The following SMARCB1 variants were observed in gnomAD, a reference collection of about 807,000 sequenced individuals.
SMARCB1 encodes SWI/SNF-related matrix-associated actin-dependent regulator of chromatin subfamily B member 1.
In SMARCB1, 5 loss-of-function variants were observed where a neutral mutation model predicts 49.0. The observed-to-expected ratio is 0.10, with a 90% CI of 0.05 to 0.21. The LOEUF (loss-of-function observed/expected upper bound fraction) is 0.21. SMARCB1 is among the 10% of genes least tolerant of loss of function. The pLI is 1.00. For synonymous variants in SMARCB1, 201 were observed against 200.1 expected (o/e 1.00, Z -0.04); for missense variants, 226 against 509.2 (o/e 0.44, Z 5.35).
Position 23,837,734 on chromosome 22 carries a change from G to T in SMARCB1, c.*3554G>T. 6.2e-7 allele frequency: 1 copy of T among 1,614,064 alleles called. No homozygotes were observed. The highest frequency in any genetic ancestry group is 1.1e-5 in the South Asian group (1 of 91,084). The stretch of plus-strand genomic sequence containing the variant: ...AGCGCCCAAGGCAGGAACGGTGCCT[G>T]GAAAGTGAGCAGGCCGAAGAAGTTG... On this transcript the variant is annotated 3_prime_UTR_variant, in exon 9 of 9. Transcript: ENST00000644036.
chr22:23,787,381 G>GCT (rs1491051741), intron 1 of SMARCB1, 119 bp downstream of exon 1: 7 of 464,536 alleles, frequency 1.5e-5, no homozygotes, highest in East Asian at 1.2e-4. Context: ...GCGCGCGCGC[G>GCT]CTCGGGGCTG....
intron 5 of SMARCB1, 64 bp downstream of exon 5, chr22:23,803,486 C>G: frequency 6.3e-7 from 1 of 1,590,396 alleles, no homozygotes; most frequent in Admixed American, 1.7e-5. Context: ...GGGAACAGTC[C>G]CGTTTCCTGC....
At chr22:23,792,850 C>T (rs1031239268) in intron 2 of SMARCB1, 2 of 158,208 alleles carry the variant, frequency 1.3e-5, no homozygotes, top group Non-Finnish European at 1.4e-5. Flanking sequence ...GCTTTGCTTC[C>T]CCCTCCGCAA....
chr22:23,813,285 C>T (rs540171079), intron 5 of SMARCB1, among the ~76,000 whole-genome samples: 2 of 152,312 alleles, frequency 1.3e-5, no homozygotes, highest in Admixed American at 6.5e-5. Flanking sequence ...CTAGCTAATC[C>T]AGTAAGCTGA....
chr22:23,829,669 GC>G (rs2030558255), intron 7 of SMARCB1, among the ~76,000 whole-genome samples: 1 of 152,244 alleles, frequency 6.6e-6, no homozygotes, highest in African/African-American at 2.4e-5. Flanking sequence ...TTTTTTAACA[GC>G]TTTATTGTGA....
rs1181572339 is a variant in SMARCB1 at position 23,833,556 on chromosome 22, C to A, written c.987-16C>A. On this transcript the variant is annotated splice_polypyrimidine_tract_variant and intron_variant, in intron 7 of 8. Transcript: ENST00000644036. The stretch of plus-strand genomic sequence containing the variant: ...GCTGGAAAAGTCATTCCTCTCACTG[C>A]CTCCCCTCCTCGTAGCGAGAACCCT... 1 of 1,614,208 alleles carries A rather than the reference C, an allele frequency of 6.2e-7. No homozygotes were observed. The highest frequency in any genetic ancestry group is 2.2e-5 in the East Asian group (1 of 44,888).
At chr22:23,820,171 G>T (rs970875253) in intron 6 of SMARCB1, among the ~76,000 whole-genome samples, 4 of 152,094 alleles carry the variant, frequency 2.6e-5, no homozygotes, top group Non-Finnish European at 5.9e-5. Flanking sequence ...ATTCATAAGG[G>T]GTGTAGGTCT....
At position 23,834,422 on chromosome 22, in the gene SMARCB1, A is replaced by G; in HGVS notation, c.*242A>G. ...GTCTCTGGGGTCAGGAAGAAACCTT[A>G]TTTTAGGTTGTGTTTTGTTTTTGTA... is the stretch of plus-strand genomic sequence containing the variant. On this transcript the variant is annotated 3_prime_UTR_variant, in exon 9 of 9. Coordinates refer to ENST00000644036, the MANE Select transcript of SMARCB1 (RefSeq NM_003073.5). The G allele has an allele frequency of 1.5e-6, 1 of 673,142 alleles. No individual in the cohort carries two copies. The highest frequency in any genetic ancestry group is 1.5e-5 in the South Asian group (1 of 65,718). 41.7% of individuals were successfully genotyped at this position (673,142 alleles called of 1,614,324 possible).
At chr22:23,794,578 AAAC>A (rs1458304178) in intron 3 of SMARCB1, among the ~76,000 whole-genome samples, 2 of 152,312 alleles carry the variant, frequency 1.3e-5, no homozygotes, top group Non-Finnish European at 2.9e-5. Context: ...CTCACAAAAG[AAAC>A]AACAATAGAT....
intron 1 of SMARCB1, among the ~76,000 whole-genome samples, 170 bp downstream of exon 1, chr22:23,787,432 C>A (rs1463794675): frequency 2.0e-5 from 3 of 151,994 alleles, no homozygotes; most frequent in Non-Finnish European, 4.4e-5. Flanking sequence ...TGGCCCCCGC[C>A]CCCTCATCGA....
chr22:23,824,978 C>T (rs1057057132), intron 6 of SMARCB1: 8 of 575,896 alleles, frequency 1.4e-5, no homozygotes, highest in Non-Finnish European at 1.9e-5. Context: ...CAGGTGCCCC[C>T]GGGGTCACTT....
chr22:23,834,308 TG>T lies in SMARCB1; in HGVS notation c.*133del. On this transcript the variant is annotated 3_prime_UTR_variant, in exon 9 of 9. Coordinates refer to ENST00000644036, the MANE Select transcript of SMARCB1 (RefSeq NM_003073.5). ...TCCTGAGGATCGGGTGGGGGTGGAG[TG>T]GGGGCTTCCAGGTGGCCCTTCCCGG... 9.5e-7 allele frequency: 1 copy of T among 1,051,878 alleles called. No individual in the cohort carries two copies. 65.2% of individuals were successfully genotyped at this position (1,051,878 alleles called of 1,614,324 possible).
intron 7 of SMARCB1, among the ~76,000 whole-genome samples, chr22:23,829,360 G>A (rs1248306059): frequency 6.6e-6 from 1 of 152,184 alleles, no homozygotes; most frequent in Non-Finnish European, 1.5e-5. Context: ...GGAGACCAGG[G>A]ACAGGCAGGT....
At position 23,833,701 on chromosome 22, in the gene SMARCB1, G is replaced by A. The variant is rs117084604; in HGVS notation, c.1116G>A (p.Thr372=). 423 of 1,614,030 alleles carry A rather than the reference G, an allele frequency of 2.6e-4. 1 individual carries two copies. In the East Asian group the frequency reaches 7.9e-3, roughly 30 times the overall value. The change falls in exon 8 of 9, where the codon ACG becomes ACA. Residue 372 remains threonine (T), a splice_region_variant and synonymous_variant. Coordinates refer to ENST00000644036, the MANE Select transcript of SMARCB1 (RefSeq NM_003073.5). The part of the protein sequence containing the change: ...EKKIRDQDRN[T]RRMRRLANTA... The stretch of plus-strand genomic sequence containing the variant: ...AGATCCGCGACCAGGACAGGAACAC[G>A]AGGTACCCCTGGCCCTGTGGTCCTG...
intron 5 of SMARCB1, among the ~76,000 whole-genome samples, chr22:23,808,566 A>G (rs2145992685): frequency 6.6e-6 from 1 of 152,216 alleles, no homozygotes; most frequent in East Asian, 1.9e-4. Context: ...AAATGATGGT[A>G]GATTTCTCAT....
rs150822066 is a variant in SMARCB1, at chr22:23,812,978, C to T, written c.629-3792C>T. ...CTCCTGGATTCACACCATTCTCCTGCCTCAGCCTCCCTGATAGCTGGGACT... is the reference window on the plus strand; with the variant it reads ...CTCCTGGATTCACACCATTCTCCTGTCTCAGCCTCCCTGATAGCTGGGACT... On this transcript the variant is annotated intron_variant, in intron 5 of 8. Transcript: ENST00000644036. 4.2e-3 allele frequency among the ~76,000 whole-genome samples: 642 copies of T among 151,960 alleles called. 1 individual carries two copies. The highest frequency in any genetic ancestry group is 0.015 in the African/African-American group (614 of 41,448).
chr22:23,833,553 C>T lies in SMARCB1; in HGVS notation c.987-19C>T, dbSNP rs777602908. 1.9e-6 allele frequency: 3 copies of T among 1,614,212 alleles called. No homozygotes were observed. The East Asian group carries it at 6.7e-5, about 36-fold the overall frequency. On this transcript the variant is annotated intron_variant, in intron 7 of 8. Transcript: ENST00000644036. ...ATAGCTGGAAAAGTCATTCCTCTCA[C>T]TGCCTCCCCTCCTCGTAGCGAGAAC...
chr22:23,797,716 C>A (rs557032497), intron 3 of SMARCB1, among the ~76,000 whole-genome samples: 8 of 140,164 alleles, frequency 5.7e-5, no homozygotes, highest in African/African-American at 1.6e-4. Context: ...TTCCCGGGTT[C>A]AAGTCATTCT....
intron 5 of SMARCB1, among the ~76,000 whole-genome samples, chr22:23,807,863 C>T (rs1251929393): frequency 7.5e-5 from 11 of 146,180 alleles, no homozygotes; most frequent in Non-Finnish European, 1.5e-4. Flanking sequence ...GGCATGATCT[C>T]GGCTCACTGC....
Sources: allele counts gnomAD v4.1 joint callset (sites outside exome capture counted in the v4.1 genomes callset), GRCh38; gene constraint gnomAD v4.1.1; transcripts MANE v1.5; gene names NCBI Gene and HGNC (gene_info 2026-07-23, HGNC 2026-07-21).